MAMDC2: variants seen among roughly 807,000 people sequenced by gnomAD.
MAMDC2 encodes MAM domain-containing protein 2.
In MAMDC2, 57 loss-of-function variants were observed where a neutral mutation model predicts 89.8. The observed-to-expected ratio is 0.63, with a 90% CI of 0.51 to 0.79. The LOEUF (loss-of-function observed/expected upper bound fraction) is 0.79. MAMDC2 is among the 30% of genes least tolerant of loss of function. The pLI is 0.00. For missense variants in MAMDC2, 800 were observed against 820.6 expected (o/e 0.97, Z 0.31); for synonymous variants, 313 against 293.4 (o/e 1.07, Z -0.68).
At chr9:70,111,820 C>A (rs1403725945) in intron 4 of MAMDC2, among the ~76,000 whole-genome samples, 1 of 152,108 alleles carries the variant, frequency 6.6e-6, no homozygotes. Flanking sequence ...GTAAAGGAAG[C>A]CAGCAAGGAA....
intron 2 of MAMDC2, among the ~76,000 whole-genome samples, chr9:70,045,040 A>G (rs1009677243): frequency 1.3e-5 from 2 of 152,204 alleles, no homozygotes; most frequent in African/African-American, 4.8e-5. Context: ...TCTGCAGGCC[A>G]GCAACCTTTC....
chr9:70,051,924 T>TAGACAGAC (rs796094259), intron 2 of MAMDC2, among the ~76,000 whole-genome samples: 5 of 151,848 alleles, frequency 3.3e-5, no homozygotes, highest in African/African-American at 9.7e-5. Context: ...GATAGATAGA[T>TAGACAGAC]AGACAGACAG....
chr9:70,050,563 T>A (rs1008372373), intron 2 of MAMDC2, among the ~76,000 whole-genome samples: 1 of 152,250 alleles, frequency 6.6e-6, no homozygotes, highest in Non-Finnish European at 1.5e-5. Context: ...GAGATTGTTG[T>A]GAAGACTATA....
intron 9 of MAMDC2, among the ~76,000 whole-genome samples, chr9:70,146,969 C>T (rs1229323785): frequency 1.4e-5 from 2 of 145,288 alleles, no homozygotes; most frequent in African/African-American, 5.2e-5. Context: ...CTAACTGCCT[C>T]ATTTGGTTGG....
chr9:70,066,949 G>T (rs1827280638), intron 2 of MAMDC2, among the ~76,000 whole-genome samples: 4 of 152,198 alleles, frequency 2.6e-5, no homozygotes, highest in Admixed American at 1.3e-4. Flanking sequence ...CTTGTTGCAG[G>T]TGGGTTCCCT....
intron 2 of MAMDC2, among the ~76,000 whole-genome samples, chr9:70,055,336 A>T (rs1266635664): frequency 6.6e-6 from 1 of 152,192 alleles, no homozygotes; most frequent in Non-Finnish European, 1.5e-5. Context: ...TATTTTACAG[A>T]TGAGAAACTG....
At chr9:70,197,268 T>C (rs1223884860) in intron 11 of MAMDC2, among the ~76,000 whole-genome samples, 1 of 152,110 alleles carries the variant, frequency 6.6e-6, no homozygotes, top group Non-Finnish European at 1.5e-5. Context: ...AACCAGAAAC[T>C]GCAAATGTCT....
chr9:70,212,874 G>A (rs1564002062), intron 11 of MAMDC2, among the ~76,000 whole-genome samples: 1 of 152,204 alleles, frequency 6.6e-6, no homozygotes, highest in Non-Finnish European at 1.5e-5. Context: ...GTAGACTTCA[G>A]GAGTCACATC....
intron 11 of MAMDC2, among the ~76,000 whole-genome samples, chr9:70,209,226 T>C (rs1350149972): frequency 6.6e-6 from 1 of 152,240 alleles, no homozygotes; most frequent in Non-Finnish European, 1.5e-5. Context: ...TCTTTGTACC[T>C]CTGGTAGAAT....
At chr9:70,183,915 C>T (rs2032696486) in intron 11 of MAMDC2, among the ~76,000 whole-genome samples, 1 of 152,146 alleles carries the variant, frequency 6.6e-6, no homozygotes, top group Non-Finnish European at 1.5e-5. Flanking sequence ...GAATTTGATT[C>T]TGTCATTATG....
chr9:70,062,325 C>G (rs1827167169), intron 2 of MAMDC2, among the ~76,000 whole-genome samples: 1 of 149,118 alleles, frequency 6.7e-6, no homozygotes, highest in African/African-American at 2.6e-5. Flanking sequence ...CATTCCCAGC[C>G]CTCTACCAGG....
intron 12 of MAMDC2, among the ~76,000 whole-genome samples, chr9:70,224,034 T>C (rs1193742321): frequency 6.6e-6 from 1 of 152,184 alleles, no homozygotes; most frequent in East Asian, 1.9e-4. Flanking sequence ...CTCTTTTCAT[T>C]ACAGACTTGA....
chr9:70,146,353 G>A (rs904359057), intron 9 of MAMDC2, among the ~76,000 whole-genome samples: 1 of 152,168 alleles, frequency 6.6e-6, no homozygotes, highest in Non-Finnish European at 1.5e-5. Flanking sequence ...TTCAGCCCCA[G>A]TGCAGATGAG....
intron 9 of MAMDC2, among the ~76,000 whole-genome samples, chr9:70,159,047 T>TATAC (rs2031866750): frequency 6.9e-6 from 1 of 145,066 alleles, no homozygotes; most frequent in African/African-American, 2.5e-5. Flanking sequence ...GCATGCATAA[T>TATAC]ACACACACAC....
intron 9 of MAMDC2, among the ~76,000 whole-genome samples, chr9:70,145,823 G>A (rs1447795534): frequency 6.6e-6 from 1 of 152,098 alleles, no homozygotes; most frequent in Non-Finnish European, 1.5e-5. Flanking sequence ...AAAAATGAAT[G>A]AGGCTCAGAT....
chr9:70,044,678 G>T lies in MAMDC2; in HGVS notation c.129G>T (p.Pro43=), dbSNP rs960259902. Residue 43 remains proline (P), a synonymous_variant, in exon 2 of 14, where the codon CCG becomes CCT. Coordinates refer to ENST00000377182, the MANE Select transcript of MAMDC2 (RefSeq NM_153267.5). The stretch of plus-strand genomic sequence containing the variant: ...TTGACTCCGTGTTGGCCTCTCTGCC[G>T]TGGATTTTAAATGAGGAAGGTAAGG... ...CGFDSVLASL[P]WILNEEGHYI... is the part of the protein sequence containing the mutation. 40 of 1,551,404 alleles carry T rather than the reference G, an allele frequency of 2.6e-5. No homozygotes were observed. Among genetic ancestry groups the T allele is most frequent in the Non-Finnish European group, 3.5e-5 (40 of 1,146,872 alleles).
rs1342129490 is a variant in MAMDC2, at chr9:70,159,079, C to CAT, written c.1405-9623_1405-9622insAT. On this transcript the variant is annotated intron_variant, in intron 9 of 13. Coordinates refer to ENST00000377182, the MANE Select transcript of MAMDC2 (RefSeq NM_153267.5). ...ACACACACACACACACACACACACA[C>CAT]GTATAACATTACCCTGGAAAGGTGA... Among the ~76,000 whole-genome samples the CAT allele has an allele frequency of 4.7e-3, 708 of 150,352 alleles. 23 individuals are homozygous for CAT. Among genetic ancestry groups the CAT allele is most frequent in the African/African-American group, 0.013 (532 of 40,662 alleles).
At chr9:70,217,633 A>G in intron 11 of MAMDC2, 2 of 1,610,734 alleles carry the variant, frequency 1.2e-6, no homozygotes, top group Admixed American at 1.7e-5. Flanking sequence ...GAAGCCTGTG[A>G]AAGTTTCAGC....
intron 2 of MAMDC2, among the ~76,000 whole-genome samples, chr9:70,074,866 A>G (rs1433510190): frequency 6.6e-6 from 1 of 152,184 alleles, no homozygotes; most frequent in Non-Finnish European, 1.5e-5. Context: ...TTCTTTTTGC[A>G]TGGATCCCTT....
Sources: allele counts gnomAD v4.1 joint callset (sites outside exome capture counted in the v4.1 genomes callset), GRCh38; gene constraint gnomAD v4.1.1; transcripts MANE v1.5; gene names NCBI Gene and HGNC (gene_info 2026-07-23, HGNC 2026-07-21).